Variants in STARD13 observed in about 807,000 individuals in gnomAD.
The protein encoded by STARD13 is StAR related lipid transfer domain containing 13, also known as stAR-related lipid transfer protein 13.
In STARD13, 62 loss-of-function variants were observed where a neutral mutation model predicts 106.4. The observed-to-expected ratio is 0.58, with a 90% CI of 0.48 to 0.72. The LOEUF is 0.72. STARD13 is among the 30% of genes least tolerant of loss of function. The probability of loss-of-function intolerance (pLI) is 0.00; values close to 1 mark genes in which losing one functional copy is unlikely to be tolerated. For missense variants in STARD13, 1,387 were observed against 1,424.0 expected, an observed-to-expected ratio of 0.97 and a Z score of 0.42; for synonymous variants, 565 against 553.0, an observed-to-expected ratio of 1.02 and a Z score of -0.31.
At chr13:33,671,153 C>T in the STARD13 span, among the ~76,000 whole-genome samples, 31 of 152,274 alleles carry the variant, frequency 2.0e-4, no homozygotes, top group Admixed American at 2.0e-3. Context: ...TATTTTCCAG[C>T]TGGTTATTCC....
chr13:33,185,405 C>T (rs970912424), intron 1 of STARD13, among the ~76,000 whole-genome samples: 3 of 152,238 alleles, frequency 2.0e-5, no homozygotes, highest in African/African-American at 7.2e-5. Context: ...CTACCAACAT[C>T]ATGCAAAGAT....
At chr13:33,325,282 T>C (rs1045017700) in intron 1 of STARD13, among the ~76,000 whole-genome samples, 5 of 152,162 alleles carry the variant, frequency 3.3e-5, no homozygotes, top group African/African-American at 1.2e-4. Flanking sequence ...CTAAAATGGC[T>C]GGCATGTGAG....
chr13:33,144,552 T>C (rs1450142805), intron 3 of STARD13, among the ~76,000 whole-genome samples: 1 of 152,246 alleles, frequency 6.6e-6, no homozygotes, highest in African/African-American at 2.4e-5. Context: ...TCTCCTCATT[T>C]TCAACCACCT....
chr13:33,209,452 T>C (rs1395470917), intron 1 of STARD13, among the ~76,000 whole-genome samples: 2 of 130,308 alleles, frequency 1.5e-5, no homozygotes, highest in Non-Finnish European at 3.4e-5. Context: ...CTTCTCTCTC[T>C]CTCTCTCTTT....
At chr13:33,495,855 T>G in the STARD13 span, among the ~76,000 whole-genome samples, 1 of 145,546 alleles carries the variant, frequency 6.9e-6, no homozygotes, top group Non-Finnish European at 1.5e-5. Flanking sequence ...ACTATAATTA[T>G]ATAATATATA....
At chr13:33,568,792 G>A in the STARD13 span, among the ~76,000 whole-genome samples, 4 of 148,128 alleles carry the variant, frequency 2.7e-5, 1 homozygote, top group Non-Finnish European at 1.5e-5. Flanking sequence ...AGAGAGATTT[G>A]TTAAGCTACA....
At chr13:33,419,534 T>C in the STARD13 span, among the ~76,000 whole-genome samples, 95 of 152,272 alleles carry the variant, frequency 6.2e-4, no homozygotes, top group African/African-American at 2.1e-3. Context: ...AAACACTCTT[T>C]AGGATATTAT....
chr13:33,491,681 T>C, the STARD13 span, among the ~76,000 whole-genome samples: 1 of 152,174 alleles, frequency 6.6e-6, no homozygotes, highest in Admixed American at 6.5e-5. Flanking sequence ...ACCTTAGAGA[T>C]AAATAATAAA....
At chr13:33,432,344 T>C in the STARD13 span, among the ~76,000 whole-genome samples, 7 of 152,142 alleles carry the variant, frequency 4.6e-5, no homozygotes, top group Non-Finnish European at 2.9e-5. Flanking sequence ...TAATAATTAG[T>C]TTCTAGAAAA....
intron 1 of STARD13, among the ~76,000 whole-genome samples, chr13:33,257,110 T>C (rs1417359058): frequency 6.6e-6 from 1 of 152,238 alleles, no homozygotes; most frequent in Non-Finnish European, 1.5e-5. Context: ...AGATCATGAC[T>C]ATATAATTAA....
intron 1 of STARD13, among the ~76,000 whole-genome samples, chr13:33,337,836 A>G (rs2077914229): frequency 6.6e-6 from 1 of 152,232 alleles, no homozygotes; most frequent in African/African-American, 2.4e-5. Flanking sequence ...AGGGTCCAAG[A>G]CAGAATGAAA....
At chr13:33,138,103 C>A (rs1317150540) in intron 4 of STARD13, among the ~76,000 whole-genome samples, 3 of 152,218 alleles carry the variant, frequency 2.0e-5, no homozygotes, top group Non-Finnish European at 2.9e-5. Flanking sequence ...TCAACCAGAA[C>A]CTTCTTTGGA....
At chr13:33,387,986 T>G in the STARD13 span, among the ~76,000 whole-genome samples, 1 of 152,206 alleles carries the variant, frequency 6.6e-6, no homozygotes, top group Non-Finnish European at 1.5e-5. Context: ...TGGTGGTCTT[T>G]CCTCTGTAAG....
chr13:33,350,222 G>GC, intron 1 of STARD13: 1 of 1,455,274 alleles, frequency 6.9e-7, no homozygotes, highest in South Asian at 1.4e-5. Context: ...AGGGCGGCGG[G>GC]CCCGGGCGGG....
intron 1 of STARD13, among the ~76,000 whole-genome samples, chr13:33,343,008 G>T (rs186397284): frequency 6.6e-6 from 1 of 152,206 alleles, no homozygotes; most frequent in Admixed American, 6.5e-5. Context: ...GTAGTCATAT[G>T]CCAATAATTC....
At chr13:33,299,373 A>G (rs1015322202) in intron 1 of STARD13, among the ~76,000 whole-genome samples, 2 of 152,242 alleles carry the variant, frequency 1.3e-5, no homozygotes, top group South Asian at 2.1e-4. Context: ...AACCATTTGC[A>G]TAAAGCAGTC....
chr13:33,561,445 T>G, the STARD13 span, among the ~76,000 whole-genome samples: 1 of 151,620 alleles, frequency 6.6e-6, no homozygotes, highest in East Asian at 1.9e-4. Context: ...TAGTCTATCT[T>G]CTTACTTTCT....
Position 33,129,464 on chromosome 13 carries a change from T to A in STARD13, c.1213A>T (p.Thr405Ser). Residue 405 changes from threonine (T) to serine (S), a missense_variant, in exon 5 of 14, where the codon ACA (threonine) becomes TCA (serine). By Grantham distance (58) the Thr-to-Ser change is moderately conservative. Coordinates refer to ENST00000336934, the MANE Select transcript of STARD13 (RefSeq NM_178006.4). ...TCAATAGAAAGTGCCTTGGGGAATGTTCCTGGTTTGTGATCCTTGGGAATA... is the reference window on the plus strand; with the variant it reads ...TCAATAGAAAGTGCCTTGGGGAATGATCCTGGTTTGTGATCCTTGGGAATA... ...VHIPKDHKPG[T>S]FPKALSIESL... 1 of 1,614,224 alleles carries A rather than the reference T, an allele frequency of 6.2e-7. No homozygotes were observed. The highest frequency in any genetic ancestry group is 8.5e-7 in the Non-Finnish European group (1 of 1,180,044).
chr13:33,577,688 G>A, the STARD13 span, among the ~76,000 whole-genome samples: 1 of 152,032 alleles, frequency 6.6e-6, no homozygotes, highest in African/African-American at 2.4e-5. Context: ...TAGACACGGA[G>A]CTTGCATCTT....
Sources: gnomAD v4.1 joint callset for allele counts (sites outside exome capture counted in the v4.1 genomes callset) on GRCh38, gnomAD v4.1.1 for gene constraint, MANE v1.5 for transcripts, NCBI Gene and HGNC (gene_info 2026-07-23, HGNC 2026-07-21) for gene names.